Variants in ZNF385D observed in about 807,000 individuals in gnomAD.
ZNF385D encodes zinc finger protein 385D.
In ZNF385D, 15 loss-of-function variants were observed where a neutral mutation model predicts 35.8. The ratio of observed to expected loss-of-function variants is 0.42; its 90% CI spans 0.28 to 0.64. ZNF385D has a LOEUF of 0.64. Among genes scored for constraint, ZNF385D ranks in the 30% least tolerant of loss-of-function variants. The pLI is 0.23. For synonymous variants in ZNF385D, 212 were observed against 186.8 expected, an observed-to-expected ratio of 1.13 and a Z score of -1.10; for missense variants, 474 against 494.6, an observed-to-expected ratio of 0.96 and a Z score of 0.39.
intron 3 of ZNF385D, among the ~76,000 whole-genome samples, chr3:21,800,987 C>T (rs984451862): frequency 6.6e-6 from 1 of 152,082 alleles, no homozygotes; most frequent in South Asian, 2.1e-4. Context: ...GTGAGTTTTT[C>T]TTAAATGCCC....
intron 3 of ZNF385D, among the ~76,000 whole-genome samples, chr3:22,159,799 C>A (rs1705830420): frequency 6.6e-6 from 1 of 151,860 alleles, no homozygotes; most frequent in South Asian, 2.1e-4. Flanking sequence ...TATTTTTGAA[C>A]AATTTAATAT....
At chr3:21,784,786 G>A (rs1377345407) in intron 3 of ZNF385D, among the ~76,000 whole-genome samples, 2 of 151,838 alleles carry the variant, frequency 1.3e-5, no homozygotes, top group African/African-American at 2.4e-5. Context: ...TTTTAAATAA[G>A]GACAGGGTCA....
At chr3:22,272,737 A>G (rs1701240023) in intron 2 of ZNF385D, among the ~76,000 whole-genome samples, 1 of 152,052 alleles carries the variant, frequency 6.6e-6, no homozygotes, top group Non-Finnish European at 1.5e-5. Context: ...CTGTATGTAA[A>G]TAATTGTATC....
At chr3:22,284,710 T>C (rs949572840) in intron 2 of ZNF385D, among the ~76,000 whole-genome samples, 3 of 152,210 alleles carry the variant, frequency 2.0e-5, no homozygotes, top group Admixed American at 1.3e-4. Context: ...ACACAGCCTC[T>C]TCCTACTTGA....
At chr3:21,802,743 T>A (rs1419211775) in intron 3 of ZNF385D, among the ~76,000 whole-genome samples, 4 of 152,280 alleles carry the variant, frequency 2.6e-5, no homozygotes, top group African/African-American at 9.6e-5. Context: ...TGAGCCTTTG[T>A]CTTTGACTCT....
At chr3:22,083,963 T>C (rs1456951371) in intron 3 of ZNF385D, among the ~76,000 whole-genome samples, 5 of 152,326 alleles carry the variant, frequency 3.3e-5, no homozygotes, top group African/African-American at 1.2e-4. Flanking sequence ...CAACCCATAA[T>C]TTCATATCCA....
In ZNF385D at chr3:22,164,502, C is replaced by T. The variant is rs547989765; in HGVS notation, c.325+4315G>A. 1.6e-3 allele frequency among the ~76,000 whole-genome samples: 243 copies of T among 151,772 alleles called. 1 individual carries two copies. Among genetic ancestry groups the T allele is most frequent in the South Asian group, 0.01 (49 of 4,804 alleles). ...GTGATCTCCCAAAGTGCTAGGATTA[C>T]AGGCATGAGCCACCATACCCGGCCA... On this transcript the variant is annotated intron_variant, in intron 3 of 5. Transcript: ENST00000494108.
intron 2 of ZNF385D, among the ~76,000 whole-genome samples, chr3:21,616,318 G>A (rs2064845110): frequency 6.6e-6 from 1 of 152,068 alleles, no homozygotes; most frequent in Non-Finnish European, 1.5e-5. Flanking sequence ...AATAGAAACA[G>A]GGCAAGGAAT....
rs147312807 is a variant in ZNF385D at position 21,460,110 on chromosome 3, A to G, written c.440-22907T>C. On this transcript the variant is annotated intron_variant, in intron 4 of 7. Coordinates refer to ENST00000281523, the MANE Select transcript of ZNF385D (RefSeq NM_024697.3). ...CCATGTTTCTTTTGATTCTGTTTAC[A>G]TAAGAATTCTCCAAAGACTCAGGCT... Among the ~76,000 whole-genome samples the G allele has an allele frequency of 2.5e-4, 38 of 152,338 alleles. No individual in the cohort carries two copies. The East Asian group carries it at 6.7e-3, about 27-fold the overall frequency.
chr3:22,031,010 A>C (rs969632785), intron 3 of ZNF385D, among the ~76,000 whole-genome samples: 26 of 152,330 alleles, frequency 1.7e-4, no homozygotes, highest in Non-Finnish European at 2.6e-4. Context: ...TTAAGATTTC[A>C]AAGTCTCCTT....
At chr3:22,081,654 C>A (rs1284942406) in intron 3 of ZNF385D, among the ~76,000 whole-genome samples, 1 of 152,090 alleles carries the variant, frequency 6.6e-6, no homozygotes, top group East Asian at 1.9e-4. Flanking sequence ...CTGTCATCTA[C>A]CCTGTTTTTT....
chr3:22,307,000 A>C (rs531952384), intron 2 of ZNF385D, among the ~76,000 whole-genome samples: 1 of 152,192 alleles, frequency 6.6e-6, no homozygotes, highest in African/African-American at 2.4e-5. Flanking sequence ...AGAAGGTAAC[A>C]TAATACCCCA....
chr3:21,950,105 G>A (rs963665762), intron 3 of ZNF385D, among the ~76,000 whole-genome samples: 24 of 149,030 alleles, frequency 1.6e-4, no homozygotes, highest in Middle Eastern at 3.4e-3. Flanking sequence ...TGGTATTTCT[G>A]GTTCTAGATC....
intron 3 of ZNF385D, among the ~76,000 whole-genome samples, chr3:21,988,771 G>A (rs866308537): frequency 3.9e-4 from 60 of 151,952 alleles, no homozygotes; most frequent in Admixed American, 1.2e-3. Flanking sequence ...CCCCAGCCTC[G>A]CTGCCGCTTT....
chr3:22,290,851 C>T (rs760737961), intron 2 of ZNF385D, among the ~76,000 whole-genome samples: 3 of 152,076 alleles, frequency 2.0e-5, no homozygotes, highest in East Asian at 1.9e-4. Flanking sequence ...ATCCTACATG[C>T]GGGGGCTTTT....
intron 3 of ZNF385D, among the ~76,000 whole-genome samples, chr3:21,979,999 C>G (rs1447771711): frequency 6.6e-6 from 1 of 152,138 alleles, no homozygotes; most frequent in Non-Finnish European, 1.5e-5. Flanking sequence ...AGTGATGCTG[C>G]CTGACTTTCA....
At chr3:21,737,887 C>T (rs1417312880) in intron 1 of ZNF385D, among the ~76,000 whole-genome samples, 1 of 152,218 alleles carries the variant, frequency 6.6e-6, no homozygotes, top group African/African-American at 2.4e-5. Flanking sequence ...CACAAACTCA[C>T]ACAGGTAAAG....
At chr3:21,643,206 A>G (rs2065656332) in intron 2 of ZNF385D, among the ~76,000 whole-genome samples, 1 of 152,184 alleles carries the variant, frequency 6.6e-6, no homozygotes, top group Non-Finnish European at 1.5e-5. Context: ...ATAAAAAGAC[A>G]GATTGAGAGA....
At chr3:22,032,738 G>A (rs1009601700) in intron 3 of ZNF385D, among the ~76,000 whole-genome samples, 27 of 152,090 alleles carry the variant, frequency 1.8e-4, no homozygotes, top group Admixed American at 6.6e-5. Context: ...TTATGGGGTC[G>A]GCTGAAAAAC....
Sources: allele counts gnomAD v4.1 joint callset (sites outside exome capture counted in the v4.1 genomes callset), GRCh38; gene constraint gnomAD v4.1.1; transcripts MANE v1.5; gene names NCBI Gene and HGNC (gene_info 2026-07-23, HGNC 2026-07-21).